The following ZNF318 variants were observed in gnomAD, a reference collection of about 807,000 sequenced individuals.
ZNF318 encodes zinc finger protein 318.
A neutral mutation model predicts 124.2 loss-of-function variants in ZNF318; 51 were observed. That is an observed-to-expected ratio of 0.41 (90% CI 0.33 to 0.52). ZNF318 has a LOEUF of 0.52. Among genes scored for constraint, ZNF318 ranks in the 20% least tolerant of loss-of-function variants. The pLI is 0.23. For missense variants in ZNF318, 2,815 were observed against 2,811.2 expected (o/e 1.00, Z -0.03); for synonymous variants, 1,090 against 1,040.7 (o/e 1.05, Z -0.91).
chr6:43,343,827 C>CAAAAAAA (rs10560070), intron 6 of ZNF318, among the ~76,000 whole-genome samples: 1 of 101,920 alleles, frequency 9.8e-6, no homozygotes, highest in African/African-American at 3.4e-5. Context: ...GACCCTGTCT[C>CAAAAAAA]AAAAAAAAAA....
rs1361071742 is a variant in ZNF318 at position 43,336,183 on chromosome 6, C to A, written c.*975G>T. 1 of 152,526 alleles carries A rather than the reference C, an allele frequency of 6.6e-6. No individual in the cohort carries two copies. The highest frequency in any genetic ancestry group is 1.5e-5 in the Non-Finnish European group (1 of 68,028). The allele number at this position is 152,526 out of a possible 1,614,324, so 9.4% of individuals were successfully genotyped here. On this transcript the variant is annotated 3_prime_UTR_variant, in exon 10 of 10. Coordinates refer to ENST00000361428, the MANE Select transcript of ZNF318 (RefSeq NM_014345.3). ...TAACAAAATATACAACCCCAAACAT[C>A]GTACTATGGTTGAAATTAATTGGGA... is the stretch of plus-strand genomic sequence containing the variant.
chr6:43,359,379 T>C (rs16896453), intron 2 of ZNF318, among the ~76,000 whole-genome samples: 4,396 of 152,290 alleles, frequency 0.029, 223 homozygotes, highest in African/African-American at 0.097. Context: ...CACCCAATAA[T>C]GCTAACCTTC....
chr6:43,342,985 A>G (rs2150749906), intron 6 of ZNF318, 106 bp from the exon 7 acceptor site: 6 of 864,912 alleles, frequency 6.9e-6, no homozygotes, highest in Non-Finnish European at 8.8e-6. Context: ...CCATATGACC[A>G]TATTTCCAAT....
At chr6:43,348,740 G>A (rs1289373304) in intron 5 of ZNF318, 115 bp from the exon 6 acceptor site, 6 of 1,237,446 alleles carry the variant, frequency 4.8e-6, no homozygotes, top group South Asian at 1.5e-5. Flanking sequence ...GCCCACAAAC[G>A]TTTCTAAGAG....
intron 5 of ZNF318, 30 bp downstream of exon 5, chr6:43,352,347 A>C (rs373310185): frequency 3.4e-6 from 5 of 1,468,986 alleles, no homozygotes; most frequent in African/African-American, 4.5e-5. Context: ...AAGTTATTAC[A>C]AAAAGGCAGT....
In ZNF318 at chr6:43,369,338, C is replaced by T; in HGVS notation, c.28G>A (p.Val10Ile). The T allele has an allele frequency of 7.5e-7, 1 of 1,339,326 alleles. No homozygotes were observed. Among genetic ancestry groups the T allele is most frequent in the Non-Finnish European group, 9.6e-7 (1 of 1,037,402 alleles). The allele number at this position is 1,339,326 out of a possible 1,614,324, so 83.0% of individuals were successfully genotyped here. A position where few individuals can be genotyped will look rare whatever the true frequency, so the allele number is the denominator to read the frequency against. The change falls in exon 1 of 10, where the codon GTC (valine) becomes ATC (isoleucine). Residue 10 changes from valine (V) to isoleucine (I), a missense_variant. Val to Ile is a conservative substitution (Grantham distance 29). Coordinates refer to ENST00000361428, the MANE Select transcript of ZNF318 (RefSeq NM_014345.3). MYRSSARSS[V>I]SSHRPKDDGG... ...TCGTCTTTAGGCCGGTGGGAAGAGA[C>T]GGAGGAGCGAGCGCTGCTGCGGTAC...
In ZNF318 at chr6:43,357,250, G is replaced by A. The variant is rs780785374; in HGVS notation, c.1064C>T (p.Ser355Leu). ...GGTGCSIPGLSGVLTASEPGY... is the reference protein window; with the variant it reads ...GGTGCSIPGLLGVLTASEPGY... ...TGGCTCCGATGCTGTTAGGACACCT[G>A]ACAATCCAGGGATGGAACAGCCAGT... Residue 355 changes from serine to leucine, a missense_variant, in exon 3 of 10, where the codon TCA becomes TTA. Ser to Leu is a moderately radical substitution (Grantham distance 145). This residue lies in a region of ZNF318 where 1,377 missense variants were observed against 1,353.5 expected (regional missense o/e 1.02). Coordinates refer to ENST00000361428, the MANE Select transcript of ZNF318 (RefSeq NM_014345.3). The A allele has an allele frequency of 5.0e-6, 8 of 1,614,042 alleles. No individual in the cohort carries two copies. The South Asian group carries it at 7.7e-5, about 16-fold the overall frequency.
chr6:43,337,718 G>A lies in ZNF318; in HGVS notation c.6280C>T (p.Pro2094Ser). ...ETEGERNSPN[P>S]RSVRIPSPNI... Reference sequence around the variant, plus strand: ...GGAGAAGGGATCCTAACACTCCTGGGATTAGGTGAGTTTCGTTCACCCTCT... The same window carrying A: ...GGAGAAGGGATCCTAACACTCCTGGAATTAGGTGAGTTTCGTTCACCCTCT... Residue 2094 changes from proline (P) to serine (S), a missense_variant, in exon 10 of 10, where the codon CCC becomes TCC. Coordinates refer to ENST00000361428, the MANE Select transcript of ZNF318 (RefSeq NM_014345.3). 6.2e-7 allele frequency: 1 copy of A among 1,614,170 alleles called. No individual in the cohort carries two copies. Among genetic ancestry groups the A allele is most frequent in the Non-Finnish European group, 8.5e-7 (1 of 1,180,030 alleles).
At chr6:43,352,256 T>TCACCACC (rs1554194964) in intron 5 of ZNF318, 121 bp downstream of exon 5, 34 of 723,720 alleles carry the variant, frequency 4.7e-5, no homozygotes, top group South Asian at 1.1e-4. Flanking sequence ...TTTGTAAGTT[T>TCACCACC]AATTACGTCA....
Position 43,337,195 on chromosome 6 carries a change from G to A in ZNF318, c.6803C>T (p.Ala2268Val), listed in dbSNP as rs765901893. ...ACTGGATTCTGTGTGGTCCTGGATG[G>A]CACCAACTGTAGTTTCCTGTTCAGG... ...GMPEQETTVG[A>V]IQDHTESSVH... The change falls in exon 10 of 10, where the codon GCC (alanine) becomes GTC (valine). Residue 2268 changes from alanine to valine, a missense_variant. Ala to Val is a moderately conservative substitution (Grantham distance 64). Transcript: ENST00000361428. The A allele has an allele frequency of 1.6e-5, 25 of 1,611,964 alleles. No individual in the cohort carries two copies. Among genetic ancestry groups the A allele is most frequent in the African/African-American group, 4.0e-5 (3 of 74,846 alleles).
chr6:43,347,344 G>C (rs911578569), intron 6 of ZNF318, among the ~76,000 whole-genome samples: 2 of 152,206 alleles, frequency 1.3e-5, no homozygotes, highest in Non-Finnish European at 2.9e-5. Flanking sequence ...AATTAACACA[G>C]CAACATAAGC....
At chr6:43,368,817 G>A (rs1581654586) in intron 1 of ZNF318, 150 bp downstream of exon 1, 1 of 1,233,530 alleles carries the variant, frequency 8.1e-7, no homozygotes, top group Admixed American at 4.2e-5. Context: ...GGGTCTGACA[G>A]AAGCCTCCAG....
chr6:43,365,445 A>C lies in ZNF318; in HGVS notation c.400-5T>G, dbSNP rs538016159. 9.3e-6 allele frequency: 15 copies of C among 1,612,642 alleles called. No homozygotes were observed. The highest frequency in any genetic ancestry group is 1.3e-5 in the Non-Finnish European group (15 of 1,179,652). On this transcript the variant is annotated splice_region_variant and splice_polypyrimidine_tract_variant and intron_variant, in intron 1 of 9. Coordinates refer to ENST00000361428, the MANE Select transcript of ZNF318 (RefSeq NM_014345.3). ...ACACAGACCAGGAGAGCGTCTCTACAAAAGTAAAGGATAATATGGTTAGTC... is the reference window on the plus strand; with the variant it reads ...ACACAGACCAGGAGAGCGTCTCTACCAAAGTAAAGGATAATATGGTTAGTC...
In ZNF318 at chr6:43,342,835, C is replaced by T. The variant is rs1249897144; in HGVS notation, c.3117G>A (p.Lys1039=). 1 of 1,613,860 alleles carries T rather than the reference C, an allele frequency of 6.2e-7. No homozygotes were observed. The highest frequency in any genetic ancestry group is 1.3e-5 in the African/African-American group (1 of 75,024). ...NNEKFRTKSP[K]PAESPQSATK... is the part of the protein sequence containing the mutation. Reference sequence around the variant, plus strand: ...TGGCTGACTGGGGGCTTTCGGCAGGCTTGGGGCTCTTAGTACGAAACTTCT... The same window carrying T: ...TGGCTGACTGGGGGCTTTCGGCAGGTTTGGGGCTCTTAGTACGAAACTTCT... Residue 1039 remains lysine, a synonymous_variant, in exon 7 of 10, where the codon AAG becomes AAA. Transcript: ENST00000361428.
chr6:43,346,341 C>T (rs1163138682), intron 6 of ZNF318, among the ~76,000 whole-genome samples: 1 of 151,434 alleles, frequency 6.6e-6, no homozygotes, highest in African/African-American at 2.4e-5. Context: ...ATTAGCCGGG[C>T]GTGGTGGCAC....
At position 43,337,381 on chromosome 6, in the gene ZNF318, C is replaced by T. The variant is rs1305153427; in HGVS notation, c.6617G>A (p.Gly2206Glu). The T allele has an allele frequency of 3.1e-6, 5 of 1,614,086 alleles. No homozygotes were observed. The highest frequency in any genetic ancestry group is 2.2e-5 in the South Asian group (2 of 91,076). Residue 2206 changes from glycine (G) to glutamate (E), a missense_variant, in exon 10 of 10, where the codon GGG (glycine) becomes GAG (glutamate). Gly to Glu is a moderately conservative substitution (Grantham distance 98). Around this residue, in one of 4 missense-constraint regions of ZNF318, gnomAD observed 927 missense variants for 820.6 expected, o/e 1.13. Coordinates refer to ENST00000361428, the MANE Select transcript of ZNF318 (RefSeq NM_014345.3). ...ATTCGATATTTCTAGCTGTAATGGC[C>T]CCAACTCCAGGGAACTACATTTAGA... ...DPSKCSSLEL[G>E]PLQLEISNAS... is the part of the protein sequence containing the mutation.
chr6:43,355,306 T>C lies in ZNF318; in HGVS notation c.2028A>G (p.Leu676=), dbSNP rs1779588057. The stretch of plus-strand genomic sequence containing the variant: ...TGCTATGATGTGCCTCCCTGCTCTC[T>C]AGTCTGTGGGGATCTGAGGAACGTC... The part of the protein sequence containing the change: ...ADRRSSDPHR[L]ESREAHHSNT... The change falls in exon 4 of 10, where the codon CTA becomes CTG. Residue 676 remains leucine, a synonymous_variant. Transcript: ENST00000361428. The C allele has an allele frequency of 6.2e-7, 1 of 1,614,194 alleles. No homozygotes were observed. The highest frequency in any genetic ancestry group is 8.5e-7 in the Non-Finnish European group (1 of 1,180,030).
At position 43,336,490 on chromosome 6, in the gene ZNF318, C is replaced by T. The variant is rs1272550801; in HGVS notation, c.*668G>A. The T allele has an allele frequency of 6.6e-6, 1 of 152,166 alleles. No homozygotes were observed. The highest frequency in any genetic ancestry group is 2.4e-5 in the African/African-American group (1 of 41,418). 9.4% of individuals were successfully genotyped at this position (152,166 alleles called of 1,614,324 possible). A position where few individuals can be genotyped will look rare whatever the true frequency, so the allele number is the denominator to read the frequency against. ...GCCAGATATTCTTCCATGTTTATTT[C>T]CAAACAGGTTTGTGGGTTAGCAGGA... On this transcript the variant is annotated 3_prime_UTR_variant, in exon 10 of 10. Coordinates refer to ENST00000361428, the MANE Select transcript of ZNF318 (RefSeq NM_014345.3).
At chr6:43,345,043 G>A (rs968394531) in intron 6 of ZNF318, among the ~76,000 whole-genome samples, 2 of 151,820 alleles carry the variant, frequency 1.3e-5, no homozygotes, top group Non-Finnish European at 2.9e-5. Context: ...TTAGGAGTTC[G>A]GGACCAGCCT....
Sources: allele counts gnomAD v4.1 joint callset (sites outside exome capture counted in the v4.1 genomes callset), GRCh38; gene constraint gnomAD v4.1.1; regional missense constraint gnomAD v4.1.1; transcripts MANE v1.5; gene names NCBI Gene and HGNC (gene_info 2026-07-23, HGNC 2026-07-21).